The following LYRM4 variants were observed in gnomAD, a reference collection of about 807,000 sequenced individuals.
LYRM4 encodes the protein LYR motif containing 4.
In LYRM4, 9 loss-of-function variants were observed where a neutral mutation model predicts 11.7. That is an observed-to-expected ratio of 0.77 (90% confidence interval 0.46 to 1.34). LYRM4 has a LOEUF of 1.34. LYRM4 is among the 40% of genes most tolerant of loss of function. The pLI, the probability that LYRM4 is intolerant of heterozygous loss-of-function variation, is 0.00. For synonymous variants in LYRM4, 42 were observed against 40.4 expected (o/e 1.04, Z -0.15); for missense variants, 133 against 112.5 (o/e 1.18, Z -0.82).
chr6:5,079,383 G>C, the LYRM4 span, among the ~76,000 whole-genome samples: 4 of 152,176 alleles, frequency 2.6e-5, no homozygotes, highest in Non-Finnish European at 5.9e-5. Flanking sequence ...TGCAAGGAAG[G>C]CATCTTTCTT....
At chr6:5,066,052 T>C in the LYRM4 span, 1 of 396,756 alleles carries the variant, frequency 2.5e-6, no homozygotes, top group Non-Finnish European at 4.8e-6. Context: ...AGGTGTTAAG[T>C]TCTCGGTAAA....
chr6:5,140,177 G>A (rs1406227183), intron 2 of LYRM4, among the ~76,000 whole-genome samples: 1 of 151,060 alleles, frequency 6.6e-6, no homozygotes, highest in Non-Finnish European at 1.5e-5. Context: ...GCAGTGAGCC[G>A]TGATCGCACC....
the LYRM4 span, chr6:5,032,072 A>G: frequency 6.6e-6 from 1 of 152,224 alleles, no homozygotes; most frequent in African/African-American, 2.4e-5. Flanking sequence ...AATTACCACT[A>G]GGCTGTAAAA....
In LYRM4 at chr6:5,260,798, A is replaced by C. The variant is rs1765043370; in HGVS notation, c.-65T>G. The stretch of plus-strand genomic sequence containing the variant: ...GGTCCCAAGTACGACCCAACCCACG[A>C]AACTCCAGCCTGTGCGGAAACCACG... On this transcript the variant is annotated 5_prime_UTR_variant, in exon 1 of 3. Transcript: ENST00000330636. 1 of 1,533,660 alleles carries C rather than the reference A, an allele frequency of 6.5e-7. No individual in the cohort carries two copies. The highest frequency in any genetic ancestry group is 8.7e-7 in the Non-Finnish European group (1 of 1,145,706).
intron 1 of LYRM4, among the ~76,000 whole-genome samples, chr6:5,244,733 T>C (rs1026600500): frequency 2.6e-5 from 4 of 151,802 alleles, no homozygotes; most frequent in African/African-American, 9.7e-5. Context: ...TGTGGGCAGA[T>C]GGGTCAGTAG....
intron 2 of LYRM4, among the ~76,000 whole-genome samples, chr6:5,124,971 G>T (rs906801691): frequency 6.6e-6 from 1 of 152,174 alleles, no homozygotes; most frequent in Non-Finnish European, 1.5e-5. Context: ...CCTGAAGTTG[G>T]GATGAGCCCA....
At chr6:5,078,674 A>C in the LYRM4 span, among the ~76,000 whole-genome samples, 634 of 152,344 alleles carry the variant, frequency 4.2e-3, 5 homozygotes, top group African/African-American at 0.015. Context: ...CCAGGCAAGA[A>C]GGGTCATGTT....
At chr6:5,103,712 T>C (rs1762575388), downstream of LYRM4, 1 of 150,810 alleles carries the variant, frequency 6.6e-6, no homozygotes, top group South Asian at 2.1e-4. Flanking sequence ...TCCCGGCTCA[T>C]TGCAACCTCT....
At chr6:5,037,791 C>T in the LYRM4 span, among the ~76,000 whole-genome samples, 2 of 58,188 alleles carry the variant, frequency 3.4e-5, no homozygotes, top group African/African-American at 4.4e-5. Context: ...ACCTCCCGGA[C>T]GGGGCGGCTG....
chr6:5,187,169 C>T (rs1246422411), intron 2 of LYRM4, among the ~76,000 whole-genome samples: 1 of 152,154 alleles, frequency 6.6e-6, no homozygotes, highest in Non-Finnish European at 1.5e-5. Flanking sequence ...GGCGATACTA[C>T]CTTTCATGTT....
intron 2 of LYRM4, among the ~76,000 whole-genome samples, chr6:5,134,623 A>G (rs866504907): frequency 3.9e-5 from 6 of 152,226 alleles, no homozygotes; most frequent in Admixed American, 2.0e-4. Flanking sequence ...TCAAAACAAT[A>G]CGGGAGAGCA....
chr6:5,188,538 T>C (rs1480042749), intron 2 of LYRM4, among the ~76,000 whole-genome samples: 3 of 152,236 alleles, frequency 2.0e-5, no homozygotes, highest in African/African-American at 7.2e-5. Flanking sequence ...ACAGTGATCA[T>C]AATAATCATA....
chr6:5,038,219 A>C, the LYRM4 span, among the ~76,000 whole-genome samples: 2 of 60,874 alleles, frequency 3.3e-5, 1 homozygote, highest in Non-Finnish European at 8.0e-5. Context: ...GCGGCCGGGC[A>C]GAGACGCTCC....
the LYRM4 span, chr6:5,066,159 G>T: frequency 1.6e-6 from 1 of 612,812 alleles, no homozygotes. Context: ...GCCCATTTTG[G>T]GTGTATACAT....
At chr6:5,183,703 C>T (rs1305795137) in intron 2 of LYRM4, among the ~76,000 whole-genome samples, 1 of 152,176 alleles carries the variant, frequency 6.6e-6, no homozygotes, top group African/African-American at 2.4e-5. Context: ...AATTTCTCAT[C>T]TTTCGGCTGT....
chr6:5,200,441 G>T (rs942951495), intron 2 of LYRM4, among the ~76,000 whole-genome samples: 1 of 152,082 alleles, frequency 6.6e-6, no homozygotes, highest in Non-Finnish European at 1.5e-5. Flanking sequence ...TACTCCACCG[G>T]GTGGAAGCAC....
At chr6:5,138,827 G>T in intron 2 of LYRM4, 2 of 970,556 alleles carry the variant, frequency 2.1e-6, no homozygotes, top group Non-Finnish European at 1.5e-6. Context: ...AGAAGCAAGT[G>T]CTAGAGGTGT....
At chr6:5,055,986 CT>C in the LYRM4 span, among the ~76,000 whole-genome samples, 1 of 150,152 alleles carries the variant, frequency 6.7e-6, no homozygotes, top group South Asian at 2.1e-4. The surrounding 1 kb of genome is among the most constrained non-coding windows in gnomAD (Gnocchi z 4.5). Context: ...CTCTCTCTTT[CT>C]TTCATCTCTC....
At chr6:5,083,306 G>C in the LYRM4 span, among the ~76,000 whole-genome samples, 1 of 152,242 alleles carries the variant, frequency 6.6e-6, no homozygotes, top group Non-Finnish European at 1.5e-5. Flanking sequence ...ATGTAGCAAT[G>C]TGTATTTAAA....
Sources: allele counts gnomAD v4.1 joint callset (sites outside exome capture counted in the v4.1 genomes callset), GRCh38; gene constraint gnomAD v4.1.1; non-coding constraint Gnocchi (gnomAD v3.1); transcripts MANE v1.5; gene names NCBI Gene and HGNC (gene_info 2026-07-23, HGNC 2026-07-21).